The following SEMA4F variants were observed in gnomAD, a reference collection of about 807,000 sequenced individuals.
SEMA4F encodes the protein ssemaphorin 4F.
SEMA4F carries 51 observed loss-of-function variants against 78.4 expected under a neutral mutation model. That is an observed-to-expected ratio of 0.65 (90% CI 0.52 to 0.82). The LOEUF is 0.82. Among genes scored for constraint, SEMA4F ranks in the 40% least tolerant of loss-of-function variants. The pLI is 0.00. For synonymous variants in SEMA4F, 418 were observed against 408.7 expected (o/e 1.02, Z -0.27); for missense variants, 938 against 1,014.4 (o/e 0.92, Z 1.02).
intron 5 of SEMA4F, among the ~76,000 whole-genome samples, chr2:74,672,752 A>G (rs1363831119): frequency 6.6e-6 from 1 of 152,054 alleles, no homozygotes; most frequent in Admixed American, 6.6e-5. Flanking sequence ...CCACTGTACT[A>G]GGAGGGAGGA....
At chr2:74,697,187 T>C in the SEMA4F span, among the ~76,000 whole-genome samples, 5 of 152,268 alleles carry the variant, frequency 3.3e-5, no homozygotes, top group Non-Finnish European at 7.3e-5. Context: ...TATAGTCTTC[T>C]TGGACTAAGA....
At chr2:74,707,042 A>T in the SEMA4F span, among the ~76,000 whole-genome samples, 3 of 151,766 alleles carry the variant, frequency 2.0e-5, no homozygotes, top group African/African-American at 7.3e-5. Context: ...AGGAAGTCAT[A>T]TGGGTTATAT....
Position 74,679,813 on chromosome 2 carries a change from A to G in SEMA4F, c.1917A>G (p.Val639=). The stretch of plus-strand genomic sequence containing the variant: ...AGGAGGGTGGGGCAGCCCATGTGGT[A>G]GCAGCTTACAGCTTGGTATGGGGCA... ...ECQEGGAAHV[V]AAYSLVWGSQ... The change falls in exon 14 of 14, where the codon GTA becomes GTG. Residue 639 remains valine (V), a synonymous_variant. Transcript: ENST00000357877. 6.2e-7 allele frequency: 1 copy of G among 1,614,150 alleles called. No individual in the cohort carries two copies. Among genetic ancestry groups the G allele is most frequent in the South Asian group, 1.1e-5 (1 of 91,080 alleles).
At chr2:74,689,959 T>C in the SEMA4F span, among the ~76,000 whole-genome samples, 13 of 152,238 alleles carry the variant, frequency 8.5e-5, no homozygotes, top group Admixed American at 8.5e-4. Flanking sequence ...CTTTACCAGT[T>C]CTTCACTGGC....
At chr2:74,709,334 A>G in the SEMA4F span, among the ~76,000 whole-genome samples, 1 of 152,222 alleles carries the variant, frequency 6.6e-6, no homozygotes, top group African/African-American at 2.4e-5. Context: ...CAAGTCCTGA[A>G]TGAAAAGAAC....
the SEMA4F span, among the ~76,000 whole-genome samples, chr2:74,702,644 C>T: frequency 4.6e-5 from 7 of 152,050 alleles, no homozygotes; most frequent in Admixed American, 1.3e-4. Flanking sequence ...TGATCAATGG[C>T]CTGGGTCCAT....
At chr2:74,684,796 T>C (rs1465953475), downstream of SEMA4F, among the ~76,000 whole-genome samples, 1 of 152,120 alleles carries the variant, frequency 6.6e-6, no homozygotes, top group African/African-American at 2.4e-5. Flanking sequence ...GAATCCTGTC[T>C]CTCAAAAAAT....
intron 1 of SEMA4F, 55 bp downstream of exon 1, chr2:74,654,576 C>G: frequency 7.0e-7 from 1 of 1,423,318 alleles, no homozygotes; most frequent in Admixed American, 2.4e-5. Context: ...CACACCCACA[C>G]CCACCTGCTC....
At chr2:74,700,802 A>G in the SEMA4F span, among the ~76,000 whole-genome samples, 1 of 152,168 alleles carries the variant, frequency 6.6e-6, no homozygotes, top group Non-Finnish European at 1.5e-5. Context: ...TAACATGCAG[A>G]ACAAAGGACA....
chr2:74,688,758 A>G (rs1179360726), downstream of SEMA4F, among the ~76,000 whole-genome samples: 1 of 152,236 alleles, frequency 6.6e-6, no homozygotes. Context: ...GGCAGTTCCA[A>G]TCTGTAGGAA....
intron 10 of SEMA4F, 37 bp from the exon 11 acceptor site, chr2:74,675,488 A>G (rs374501486): frequency 2.7e-5 from 43 of 1,600,860 alleles, no homozygotes; most frequent in Admixed American, 1.3e-4. Flanking sequence ...CACAGGGGCA[A>G]TTATGTAATT....
Position 74,657,606 on chromosome 2 carries a change from G to A in SEMA4F, c.339G>A (p.Arg113=), listed in dbSNP as rs1281771521. 1.2e-6 allele frequency: 2 copies of A among 1,614,026 alleles called. No individual in the cohort carries two copies. Among genetic ancestry groups the A allele is most frequent in the East Asian group, 2.2e-5 (1 of 44,890 alleles). ...CTGAGGCTCACAGACAGAACTGTAG[G>A]AAGAAAGGCAAGAAAGAGGTAGGTG... ...MVPEAHRQNC[R]KKGKKEDECH... The change falls in exon 3 of 14, where the codon AGG becomes AGA. Residue 113 remains arginine, a synonymous_variant. Coordinates refer to ENST00000357877, the MANE Select transcript of SEMA4F (RefSeq NM_004263.5).
At chr2:74,701,271 T>G in the SEMA4F span, among the ~76,000 whole-genome samples, 1 of 152,144 alleles carries the variant, frequency 6.6e-6, no homozygotes, top group Admixed American at 6.5e-5. Context: ...CCTTCTGGGT[T>G]TCCCTTCCTT....
At chr2:74,666,272 G>A (rs1301613206) in intron 5 of SEMA4F, among the ~76,000 whole-genome samples, 3 of 152,174 alleles carry the variant, frequency 2.0e-5, no homozygotes, top group Non-Finnish European at 4.4e-5. Context: ...GTCAGCAAGT[G>A]AATTCATATT....
At position 74,659,679 on chromosome 2, in the gene SEMA4F, C is replaced by T. The variant is rs141216149; in HGVS notation, c.456+1728C>T. On this transcript the variant is annotated intron_variant, in intron 4 of 13. Transcript: ENST00000357877. ...AGCCACATCCTGTCTGCTCTGTAGA[C>T]GTTTTGAAAGTTCTCTTCTGCCTTA... Among the ~76,000 whole-genome samples, 513 of 152,224 alleles carry T rather than the reference C, an allele frequency of 3.4e-3. 1 individual carries two copies. Among genetic ancestry groups the T allele is most frequent in the African/African-American group, 0.012 (479 of 41,538 alleles).
intron 5 of SEMA4F, among the ~76,000 whole-genome samples, chr2:74,670,347 G>A (rs376820021): frequency 5.9e-5 from 9 of 152,242 alleles, no homozygotes; most frequent in East Asian, 3.9e-4. Flanking sequence ...AAGCCCCTTC[G>A]TACTCTTAGG....
Position 74,673,797 on chromosome 2 carries a change from T to C in SEMA4F, c.791T>C (p.Ile264Thr), listed in dbSNP as rs1484140242. The part of the protein sequence containing the change: ...TSRAFDSYER[I>T]KVPRVARVCA... ...CGAGCATTTGACTCATACGAGCGCATTAAAGTCCCACGGGTGGCCCGTGTG... is the reference window on the plus strand; with the variant it reads ...CGAGCATTTGACTCATACGAGCGCACTAAAGTCCCACGGGTGGCCCGTGTG... Residue 264 changes from isoleucine to threonine, a missense_variant, in exon 7 of 14, where the codon ATT becomes ACT. Ile to Thr is a moderately conservative substitution (Grantham distance 89, BLOSUM62 -1). Coordinates refer to ENST00000357877, the MANE Select transcript of SEMA4F (RefSeq NM_004263.5). The C allele has an allele frequency of 7.4e-6, 12 of 1,614,038 alleles. No individual in the cohort carries two copies. Among genetic ancestry groups the C allele is most frequent in the Admixed American group, 1.7e-5 (1 of 60,000 alleles).
At chr2:74,689,631 T>C in the SEMA4F span, among the ~76,000 whole-genome samples, 1 of 152,184 alleles carries the variant, frequency 6.6e-6, no homozygotes, top group African/African-American at 2.4e-5. Flanking sequence ...GAAATTTGGT[T>C]AAATAAGCTT....
At chr2:74,667,240 T>C (rs1684742356) in intron 5 of SEMA4F, among the ~76,000 whole-genome samples, 1 of 152,240 alleles carries the variant, frequency 6.6e-6, no homozygotes. Flanking sequence ...TTTTTAAACA[T>C]AATGCTGCAG....
Sources: allele counts gnomAD v4.1 joint callset (sites outside exome capture counted in the v4.1 genomes callset), GRCh38; gene constraint gnomAD v4.1.1; transcripts MANE v1.5; gene names NCBI Gene and HGNC (gene_info 2026-07-23, HGNC 2026-07-21).